The following PSMD4 variants were observed in gnomAD, a reference collection of about 807,000 sequenced individuals.
PSMD4 encodes proteasome 26S subunit ubiquitin receptor, non-ATPase 4, also known as 26S proteasome non-ATPase regulatory subunit 4.
Under a neutral mutation model 39.7 loss-of-function variants are expected in PSMD4, and 5 were observed. That is an observed-to-expected ratio of 0.13 (90% CI 0.07 to 0.26). The LOEUF is 0.26. PSMD4 is among the 10% of genes least tolerant of loss of function. PSMD4 has a pLI of 1.00. For missense variants in PSMD4, 272 were observed against 486.1 expected (o/e 0.56, Z 4.14); for synonymous variants, 143 against 174.6 (o/e 0.82, Z 1.43).
Position 151,266,814 on chromosome 1 carries a change from G to A in PSMD4, c.963+227G>A, listed in dbSNP as rs186239934. On this transcript the variant is annotated intron_variant, in intron 9 of 9. Transcript: ENST00000368884. Reference sequence around the variant, plus strand: ...TTTTCCTTTCTTGCTGGTGGGAGCAGCCTGGGCAGTTCTCTAGGATGTCTT... The same window carrying A: ...TTTTCCTTTCTTGCTGGTGGGAGCAACCTGGGCAGTTCTCTAGGATGTCTT... 4,261 of 747,498 alleles carry A rather than the reference G, an allele frequency of 5.7e-3. 33 individuals are homozygous for A. Among genetic ancestry groups the A allele is most frequent in the Middle Eastern group, 9.9e-3 (39 of 3,928 alleles). 46.3% of individuals were successfully genotyped at this position (747,498 alleles called of 1,614,324 possible).
rs372632841 is a variant in PSMD4, at chr1:151,266,459, G to C, written c.895+20G>C. On this transcript the variant is annotated intron_variant, in intron 8 of 9. Coordinates refer to ENST00000368884, the MANE Select transcript of PSMD4 (RefSeq NM_002810.4). ...GAGCAGGTGAGCCAGAGCCTGGGTG[G>C]TGCCTAGGCAGAGGTTGGGGTGAGG... 4.3e-6 allele frequency: 7 copies of C among 1,614,070 alleles called. No homozygotes were observed. Among genetic ancestry groups the C allele is most frequent in the African/African-American group, 1.3e-5 (1 of 74,932 alleles).
At chr1:151,264,101 C>A in intron 3 of PSMD4, 73 bp downstream of exon 3, 1 of 1,170,360 alleles carries the variant, frequency 8.5e-7, no homozygotes, top group Non-Finnish European at 1.2e-6. Context: ...TCATTTCTCC[C>A]CTGGAATCCT....
chr1:151,264,622 A>G (rs926144870), intron 3 of PSMD4, among the ~76,000 whole-genome samples: 5 of 151,892 alleles, frequency 3.3e-5, no homozygotes, highest in East Asian at 1.9e-4. Context: ...AAAAAAAAAA[A>G]AGAGAGAAAG....
chr1:151,266,015 A>T lies in PSMD4; in HGVS notation c.666A>T (p.Val222=). 6.2e-7 allele frequency: 1 copy of T among 1,601,042 alleles called. No homozygotes were observed. Among genetic ancestry groups the T allele is most frequent in the South Asian group, 1.1e-5 (1 of 88,952 alleles). ...ADPELALALR[V]SMEEQRQRQE... is the part of the protein sequence containing the mutation. ...CTGCCCTTCACCAGGCCCTTCGTGT[A>T]TCTATGGAAGAGCAGCGGCAGCGGC... The change falls in exon 7 of 10, where the codon GTA becomes GTT. Residue 222 remains valine (V), a synonymous_variant. Transcript: ENST00000368884.
At chr1:151,258,402 G>A (rs587603813) in intron 1 of PSMD4, among the ~76,000 whole-genome samples, 1 of 147,838 alleles carries the variant, frequency 6.8e-6, no homozygotes, top group South Asian at 2.2e-4. Flanking sequence ...GGAACCTGCT[G>A]TTGATGTGAC....
chr1:151,256,354 A>AAAT (rs764746368), intron 1 of PSMD4, among the ~76,000 whole-genome samples: 2 of 44,892 alleles, frequency 4.5e-5, no homozygotes, highest in African/African-American at 2.1e-4. Flanking sequence ...AAAAAAAAAA[A>AAAT]AATAATAATA....
At chr1:151,266,852 A>T in intron 9 of PSMD4, 1 of 719,176 alleles carries the variant, frequency 1.4e-6, no homozygotes, top group Non-Finnish European at 2.5e-6. Flanking sequence ...CAGGAGGGAA[A>T]AAAGCGGGTC....
At chr1:151,257,358 G>A (rs1387852877) in intron 1 of PSMD4, among the ~76,000 whole-genome samples, 1 of 152,172 alleles carries the variant, frequency 6.6e-6, no homozygotes, top group African/African-American at 2.4e-5. Context: ...GTAATAGTTT[G>A]AAGTTGGGTA....
At chr1:151,258,775 AAAT>A (rs1693244247) in intron 1 of PSMD4, among the ~76,000 whole-genome samples, 1 of 151,840 alleles carries the variant, frequency 6.6e-6, no homozygotes, top group African/African-American at 2.4e-5. Flanking sequence ...TTCTCTTTTA[AAAT>A]AAAGGTTTTG....
chr1:151,265,121 T>C, intron 4 of PSMD4, 45 bp from the exon 5 acceptor site: 1 of 1,494,638 alleles, frequency 6.7e-7, no homozygotes, highest in Non-Finnish European at 9.1e-7. Context: ...TTTCCCCCCC[T>C]CGAGTATGGA....
chr1:151,262,237 A>G lies in PSMD4; in HGVS notation c.103A>G (p.Ile35Val), dbSNP rs776710073. 2 of 1,614,178 alleles carry G rather than the reference A, an allele frequency of 1.2e-6. No homozygotes were observed. Among genetic ancestry groups the G allele is most frequent in the Non-Finnish European group, 1.7e-6 (2 of 1,180,042 alleles). Residue 35 changes from isoleucine to valine, a missense_variant, in exon 2 of 10, where the codon ATA becomes GTA. Physicochemically the swap from Ile to Val is conservative, Grantham distance 29 (BLOSUM62 3). This residue lies in a region of PSMD4 where 153 missense variants were observed against 257.6 expected (regional missense o/e 0.59). Coordinates refer to ENST00000368884, the MANE Select transcript of PSMD4 (RefSeq NM_002810.4). ...GCAGGCCCAGCAGGATGCTGTCAAC[A>G]TAGTTTGTCATTCAAAGACCCGCAG... ...RLQAQQDAVN[I>V]VCHSKTRSNP...
At chr1:151,255,122 C>T (rs1271703109) in intron 1 of PSMD4, among the ~76,000 whole-genome samples, 1 of 152,210 alleles carries the variant, frequency 6.6e-6, no homozygotes, top group Admixed American at 6.5e-5. Context: ...TCGGACTCAT[C>T]GTAATAGTTT....
intron 1 of PSMD4, among the ~76,000 whole-genome samples, chr1:151,261,954 CAAAA>C (rs11370693): frequency 8.0e-6 from 1 of 125,054 alleles, no homozygotes; most frequent in African/African-American, 3.1e-5. Context: ...GACCCTATCT[CAAAA>C]AAAAAAAAAA....
intron 4 of PSMD4, 49 bp from the exon 5 acceptor site, chr1:151,265,117 C>T: frequency 6.6e-7 from 1 of 1,526,506 alleles, no homozygotes; most frequent in Non-Finnish European, 8.9e-7. Context: ...GTCCTTTCCC[C>T]CCCTCGAGTA....
chr1:151,266,526 G>A lies in PSMD4; in HGVS notation c.902G>A (p.Gly301Asp), dbSNP rs756959283. ...MQMSLQGAEF[G>D]QAESADIDAS... ...ACTGACCTCTCTTCCTCAGAGTTTG[G>A]CCAGGCGGAATCAGCAGACATTGAT... Residue 301 changes from glycine (G) to aspartate (D), a missense_variant, in exon 9 of 10, where the codon GGC becomes GAC. Physicochemically the swap from Gly to Asp is moderately conservative, Grantham distance 94 (BLOSUM62 -1). This residue lies in a region of PSMD4 where 113 missense variants were observed against 184.6 expected (regional missense o/e 0.61). Coordinates refer to ENST00000368884, the MANE Select transcript of PSMD4 (RefSeq NM_002810.4). The A allele has an allele frequency of 3.3e-5, 53 of 1,614,052 alleles. No homozygotes were observed. The highest frequency in any genetic ancestry group is 4.2e-5 in the Non-Finnish European group (49 of 1,180,040).
chr1:151,266,608 C>T, intron 9 of PSMD4, 21 bp downstream of exon 9: 1 of 1,613,188 alleles, frequency 6.2e-7, no homozygotes, highest in Middle Eastern at 1.7e-4. Flanking sequence ...ACCCTGCCCC[C>T]ATCAGGTTTA....
intron 1 of PSMD4, among the ~76,000 whole-genome samples, chr1:151,261,656 T>G (rs1055406492): frequency 6.6e-6 from 1 of 152,124 alleles, no homozygotes; most frequent in Middle Eastern, 3.2e-3. Context: ...TTGTAAGGAT[T>G]TAAAAATTTT....
chr1:151,257,248 T>C (rs1224104682), intron 1 of PSMD4, among the ~76,000 whole-genome samples: 1 of 152,198 alleles, frequency 6.6e-6, no homozygotes, highest in East Asian at 1.9e-4. Context: ...TAGATGGTCA[T>C]AGGTGTGCGG....
chr1:151,266,812 C>A, intron 9 of PSMD4: 2 of 737,154 alleles, frequency 2.7e-6, no homozygotes, highest in South Asian at 1.6e-5. Flanking sequence ...CTGGTGGGAG[C>A]AGCCTGGGCA....
Sources: gnomAD v4.1 joint callset for allele counts (sites outside exome capture counted in the v4.1 genomes callset) on GRCh38, gnomAD v4.1.1 for gene constraint, gnomAD v4.1.1 regional missense constraint, MANE v1.5 for transcripts, NCBI Gene and HGNC (gene_info 2026-07-23, HGNC 2026-07-21) for gene names.